Variants in MARCHF10 observed in about 807,000 individuals in gnomAD.
The protein encoded by MARCHF10 is membrane associated ring-CH-type finger 10, also known as probable E3 ubiquitin-protein ligase MARCHF10.
In MARCHF10, 64 loss-of-function variants were observed where a neutral mutation model predicts 76.2. The ratio of observed to expected loss-of-function variants is 0.84; its 90% CI spans 0.69 to 1.03. MARCHF10 has a LOEUF of 1.03. Ranked by LOEUF, MARCHF10 falls within the 50% of genes least tolerant of loss-of-function variation. The probability of loss-of-function intolerance (pLI) is 0.00; values close to 1 mark genes in which losing one functional copy is unlikely to be tolerated. For missense variants in MARCHF10, 875 were observed against 958.0 expected, an observed-to-expected ratio of 0.91 and a Z score of 1.14; for synonymous variants, 340 against 357.5, an observed-to-expected ratio of 0.95 and a Z score of 0.55.
intron 3 of MARCHF10, among the ~76,000 whole-genome samples, chr17:62,774,811 T>G (rs1597988138): frequency 6.6e-6 from 1 of 152,048 alleles, no homozygotes; most frequent in East Asian, 1.9e-4. Context: ...ATCTCAGCAC[T>G]TTGGGAGGCT....
At position 62,737,236 on chromosome 17, in the gene MARCHF10, G is replaced by A. The variant is rs1187229882; in HGVS notation, c.632C>T (p.Thr211Ile). Residue 211 changes from threonine (T) to isoleucine (I), a missense_variant, in exon 6 of 11, where the codon ACT becomes ATT. Physicochemically the swap from Thr to Ile is moderately conservative, Grantham distance 89. Coordinates refer to ENST00000311269, the MANE Select transcript of MARCHF10 (RefSeq NM_152598.4). ...TTTGGCTCTATCAGGGGCGTTCTCA[G>A]TCATTGGCTGTGACGATGGGACCAA... The part of the protein sequence containing the change: ...RNLVPSSQPM[T>I]ENAPDRAKKG... 1.2e-6 allele frequency: 2 copies of A among 1,614,024 alleles called. No homozygotes were observed. The highest frequency in any genetic ancestry group is 1.7e-6 in the Non-Finnish European group (2 of 1,180,018).
intron 3 of MARCHF10, among the ~76,000 whole-genome samples, chr17:62,763,701 C>T (rs948285343): frequency 5.3e-5 from 8 of 152,040 alleles, no homozygotes; most frequent in African/African-American, 1.7e-4. Flanking sequence ...TCAAAGCCCA[C>T]GACATTAAAA....
At chr17:62,773,716 T>G (rs529508104) in intron 3 of MARCHF10, among the ~76,000 whole-genome samples, 1 of 152,050 alleles carries the variant, frequency 6.6e-6, no homozygotes, top group East Asian at 1.9e-4. Flanking sequence ...CTCAGGAAAT[T>G]TCTAGCTGAG....
chr17:62,741,485 T>C (rs893219750), intron 5 of MARCHF10, among the ~76,000 whole-genome samples: 1 of 152,192 alleles, frequency 6.6e-6, no homozygotes, highest in African/African-American at 2.4e-5. Flanking sequence ...TCCATGTCAG[T>C]AGCATAGACA....
chr17:62,737,009 C>T lies in MARCHF10; in HGVS notation c.859G>A (p.Glu287Lys), dbSNP rs2091298826. 2 of 1,614,162 alleles carry T rather than the reference C, an allele frequency of 1.2e-6. No homozygotes were observed. The highest frequency in any genetic ancestry group is 1.3e-5 in the African/African-American group (1 of 75,028). ...GTTTCCTCTTCAGTGTCATCGCTTT[C>T]TCTTCTGCTGTTCAATGACAAAATG... Reference protein sequence around the residue: ...YSILSLNSRRESDDTEEETQS... With the variant: ...YSILSLNSRRKSDDTEEETQS... Residue 287 changes from glutamate (E) to lysine (K), a missense_variant, in exon 6 of 11, where the codon GAA (glutamate) becomes AAA (lysine). Physicochemically the swap from Glu to Lys is moderately conservative, Grantham distance 56 (BLOSUM62 1). Transcript: ENST00000311269.
chr17:62,767,148 G>A (rs1247139494), intron 3 of MARCHF10, among the ~76,000 whole-genome samples: 1 of 152,168 alleles, frequency 6.6e-6, no homozygotes, highest in Non-Finnish European at 1.5e-5. Flanking sequence ...TGAGATTCAA[G>A]CAAATGTGAT....
chr17:62,750,270 T>C (rs1337431652), intron 4 of MARCHF10: 1 of 153,028 alleles, frequency 6.5e-6, no homozygotes, highest in Non-Finnish European at 1.5e-5. Flanking sequence ...TCAGCCGGAG[T>C]GGGGCAGGAG....
At chr17:62,799,407 T>A (rs1019750191) in intron 2 of MARCHF10, among the ~76,000 whole-genome samples, 2 of 152,156 alleles carry the variant, frequency 1.3e-5, no homozygotes, top group Non-Finnish European at 2.9e-5. Flanking sequence ...ATAAATCAGA[T>A]CATACTATTC....
At chr17:62,803,958 G>A (rs2093122134) in intron 1 of MARCHF10, among the ~76,000 whole-genome samples, 1 of 152,198 alleles carries the variant, frequency 6.6e-6, no homozygotes, top group Non-Finnish European at 1.5e-5. Flanking sequence ...GAGGACCAAA[G>A]GGATTAAGTA....
intron 4 of MARCHF10, among the ~76,000 whole-genome samples, chr17:62,753,814 A>G (rs2091964887): frequency 6.6e-6 from 1 of 151,950 alleles, no homozygotes; most frequent in African/African-American, 2.4e-5. Context: ...CTGCTCACCC[A>G]CCAGGCTGGG....
intron 3 of MARCHF10, among the ~76,000 whole-genome samples, chr17:62,777,874 T>C (rs2092582862): frequency 6.6e-6 from 1 of 152,118 alleles, no homozygotes; most frequent in Non-Finnish European, 1.5e-5. Context: ...TAAAAATTGC[T>C]GCCTAACACC....
At chr17:62,730,222 C>G (rs946795712) in intron 6 of MARCHF10, among the ~76,000 whole-genome samples, 4 of 151,584 alleles carry the variant, frequency 2.6e-5, no homozygotes, top group Non-Finnish European at 5.9e-5. Context: ...CAACAAAACC[C>G]CAAAAAACAA....
intron 5 of MARCHF10, among the ~76,000 whole-genome samples, chr17:62,739,504 C>T (rs1306775517): frequency 1.3e-5 from 2 of 151,750 alleles, no homozygotes; most frequent in Non-Finnish European, 2.9e-5. Flanking sequence ...GCCTCACCCT[C>T]CTGAGTAGCT....
intron 3 of MARCHF10, among the ~76,000 whole-genome samples, chr17:62,771,168 A>G (rs2092438530): frequency 6.6e-6 from 1 of 152,134 alleles, no homozygotes; most frequent in African/African-American, 2.4e-5. Context: ...TAATTATTAA[A>G]CAAATGTAAA....
chr17:62,741,898 C>T (rs1057291748), intron 5 of MARCHF10, among the ~76,000 whole-genome samples: 6 of 151,954 alleles, frequency 3.9e-5, no homozygotes, highest in Non-Finnish European at 8.8e-5. Flanking sequence ...TGGGGTTTCA[C>T]CATGTTAGCC....
intron 3 of MARCHF10, 82 bp from the exon 4 acceptor site, chr17:62,760,088 T>A: frequency 8.8e-7 from 1 of 1,133,912 alleles, no homozygotes; most frequent in Non-Finnish European, 1.3e-6. Context: ...ATGAGGCAAA[T>A]GCAGTGACCC....
At chr17:62,744,298 C>T (rs959057238) in intron 5 of MARCHF10, 78 bp downstream of exon 5, 4 of 1,469,038 alleles carry the variant, frequency 2.7e-6, no homozygotes, top group Non-Finnish European at 3.7e-6. Flanking sequence ...ATCTAAAAAC[C>T]ATAAAGAATT....
intron 5 of MARCHF10, among the ~76,000 whole-genome samples, chr17:62,744,099 C>T (rs2091612813): frequency 6.6e-6 from 1 of 152,054 alleles, no homozygotes; most frequent in Non-Finnish European, 1.5e-5. Flanking sequence ...AGCTGGTGTC[C>T]ACTCAAAACC....
rs77483868 is a variant in MARCHF10, at chr17:62,714,417, G to A, written c.2215-3073C>T. 27 of 985,162 alleles carry A rather than the reference G, an allele frequency of 2.7e-5. No individual in the cohort carries two copies. In the East Asian group the frequency reaches 1.1e-3, roughly 41 times the overall value. 61.0% of individuals were successfully genotyped at this position (985,162 alleles called of 1,614,324 possible). A position where few individuals can be genotyped will look rare whatever the true frequency, so the allele number is the denominator to read the frequency against. ...AAAGTGAGCTAATATATGGGATCTC[G>A]CAACACCAACACATCCTACAAGAGA... is the stretch of plus-strand genomic sequence containing the variant. On this transcript the variant is annotated intron_variant, in intron 8 of 10. Coordinates refer to ENST00000311269, the MANE Select transcript of MARCHF10 (RefSeq NM_152598.4).
Sources: gnomAD v4.1 joint callset for allele counts (sites outside exome capture counted in the v4.1 genomes callset) on GRCh38, gnomAD v4.1.1 for gene constraint, MANE v1.5 for transcripts, NCBI Gene and HGNC (gene_info 2026-07-23, HGNC 2026-07-21) for gene names.